KIRREL1: variants seen among roughly 807,000 people sequenced by gnomAD.
KIRREL1 encodes kin of IRRE-like protein 1.
Under a neutral mutation model 83.3 loss-of-function variants are expected in KIRREL1, and 25 were observed. That is an observed-to-expected ratio of 0.30 (90% CI 0.22 to 0.42). The LOEUF (loss-of-function observed/expected upper bound fraction) is 0.42. KIRREL1 is among the 10% of genes least tolerant of loss of function. The pLI is 1.00. For synonymous variants in KIRREL1, 388 were observed against 410.4 expected, an observed-to-expected ratio of 0.95 and a Z score of 0.66; for missense variants, 812 against 1,032.3, an observed-to-expected ratio of 0.79 and a Z score of 2.92.
At chr1:158,054,998 G>C (rs1661013455) in intron 1 of KIRREL1, among the ~76,000 whole-genome samples, 2 of 151,998 alleles carry the variant, frequency 1.3e-5, no homozygotes, top group Admixed American at 1.3e-4. Context: ...CATTTCTTTG[G>C]GCTTTCTTGC....
chr1:158,070,774 G>A (rs1450462910), intron 1 of KIRREL1, among the ~76,000 whole-genome samples: 2 of 152,038 alleles, frequency 1.3e-5, no homozygotes, highest in East Asian at 1.9e-4. Context: ...GCTGGTGGGC[G>A]ATTAGGGTTA....
intron 1 of KIRREL1, among the ~76,000 whole-genome samples, chr1:158,006,437 G>C (rs1659521568): frequency 6.6e-6 from 1 of 152,198 alleles, no homozygotes; most frequent in South Asian, 2.1e-4. Flanking sequence ...TTCCACAACA[G>C]GTTTATTTTC....
chr1:158,046,950 A>C (rs1162641713), intron 1 of KIRREL1, among the ~76,000 whole-genome samples: 2 of 152,046 alleles, frequency 1.3e-5, no homozygotes, highest in Non-Finnish European at 2.9e-5. Flanking sequence ...AAGAGAGGAG[A>C]GAATGCAGCC....
At chr1:158,004,840 A>C (rs1466180202) in intron 1 of KIRREL1, among the ~76,000 whole-genome samples, 1 of 152,202 alleles carries the variant, frequency 6.6e-6, no homozygotes, top group African/African-American at 2.4e-5. Context: ...GCTACTCTGG[A>C]GGCTGAGGTG....
In KIRREL1 at chr1:158,088,372, T is replaced by C. The variant is rs776787747; in HGVS notation, c.962T>C (p.Ile321Thr). ...VVDPKPTTTD[I>T]GSDVTLTCVW... is the part of the protein sequence containing the mutation. ...GACCCCAAACCCACAACCACAGACA[T>C]TGGCTCTGATGTGACCCTTACCTGT... The change falls in exon 8 of 15, where the codon ATT becomes ACT. Residue 321 changes from isoleucine (I) to threonine (T), a missense_variant. Transcript: ENST00000359209. The C allele has an allele frequency of 1.2e-6, 2 of 1,613,306 alleles. No individual in the cohort carries two copies. The highest frequency in any genetic ancestry group is 3.3e-5 in the Admixed American group (2 of 59,960).
intron 1 of KIRREL1, among the ~76,000 whole-genome samples, chr1:158,005,732 G>A (rs1033181553): frequency 6.6e-6 from 1 of 152,058 alleles, no homozygotes; most frequent in African/African-American, 2.4e-5. Context: ...TGCATGATTT[G>A]GGGGAGCAGT....
chr1:158,089,383 T>C, intron 8 of KIRREL1, 119 bp from the exon 9 acceptor site: 1 of 1,518,366 alleles, frequency 6.6e-7, no homozygotes, highest in Non-Finnish European at 8.9e-7. Flanking sequence ...CCATTTCCCT[T>C]CTGGGAATTC....
At position 158,094,693 on chromosome 1, in the gene KIRREL1, C is replaced by G. The variant is rs1213771432; in HGVS notation, c.1847C>G (p.Ser616Cys). 6.2e-7 allele frequency: 1 copy of G among 1,611,404 alleles called. No homozygotes were observed. Among genetic ancestry groups the G allele is most frequent in the Non-Finnish European group, 8.5e-7 (1 of 1,179,818 alleles). ...YNVRAHEDRP[S>C]SRAVLYADYR... Reference sequence around the variant, plus strand: ...GTGCGTGCCCATGAAGACCGCCCGTCTTCCAGGGCAGTGCTCTATGCTGAC... The same window carrying G: ...GTGCGTGCCCATGAAGACCGCCCGTGTTCCAGGGCAGTGCTCTATGCTGAC... Residue 616 changes from serine (S) to cysteine (C), a missense_variant, in exon 15 of 15, where the codon TCT (serine) becomes TGT (cysteine). Physicochemically the swap from Ser to Cys is moderately radical, Grantham distance 112 (BLOSUM62 -1). This residue lies in a region of KIRREL1 where 334 missense variants were observed against 383.7 expected (regional missense o/e 0.87). Transcript: ENST00000359209. The surrounding 1 kb of genome is among the most constrained non-coding windows in gnomAD (Gnocchi z 4.6).
rs1662417793 is a variant in KIRREL1 at position 158,098,747 on chromosome 1, T to G, written c.*3627T>G. 1 of 152,232 alleles carries G rather than the reference T, an allele frequency of 6.6e-6. No homozygotes were observed. Among genetic ancestry groups the G allele is most frequent in the Non-Finnish European group, 1.5e-5 (1 of 68,044 alleles). 9.4% of individuals were successfully genotyped at this position (152,232 alleles called of 1,614,324 possible). A position where few individuals can be genotyped will look rare whatever the true frequency, so the allele number is the denominator to read the frequency against. The stretch of plus-strand genomic sequence containing the variant: ...GGGAGCAGTGCTGTGCTGTTATCAC[T>G]GTCTTGCTTGGAATGAAAACATCTG... On this transcript the variant is annotated 3_prime_UTR_variant, in exon 15 of 15. Coordinates refer to ENST00000359209, the MANE Select transcript of KIRREL1 (RefSeq NM_018240.7).
rs563217069 is a variant in KIRREL1 at position 158,022,832 on chromosome 1, C to T, written c.52+29104C>T. Among the ~76,000 whole-genome samples, 7 of 152,314 alleles carry T rather than the reference C, an allele frequency of 4.6e-5. 1 individual carries two copies. The South Asian group carries it at 1.5e-3, about 32-fold the overall frequency. On this transcript the variant is annotated intron_variant, in intron 1 of 14. Transcript: ENST00000359209. ...TGGGCCTTCTGCTAAAGTGCCAGCG[C>T]CCTAGCCTGTTTCCAGCCTCTTCCT...
At chr1:158,028,325 C>A (rs1470380819) in intron 1 of KIRREL1, among the ~76,000 whole-genome samples, 3 of 152,240 alleles carry the variant, frequency 2.0e-5, no homozygotes, top group Non-Finnish European at 4.4e-5. Context: ...CTTGAATAAA[C>A]CCTCCCTAAT....
chr1:158,020,209 G>T (rs747389167), intron 1 of KIRREL1, among the ~76,000 whole-genome samples: 1 of 151,912 alleles, frequency 6.6e-6, no homozygotes, highest in Non-Finnish European at 1.5e-5. Flanking sequence ...CATCACCTCC[G>T]GGAAGATGAT....
At chr1:158,069,914 G>T (rs1661465231) in intron 1 of KIRREL1, among the ~76,000 whole-genome samples, 1 of 152,214 alleles carries the variant, frequency 6.6e-6, no homozygotes, top group Non-Finnish European at 1.5e-5. Context: ...ATAAGCAGGG[G>T]CTACTTCTGC....
chr1:158,023,747 C>T (rs559783349), intron 1 of KIRREL1, among the ~76,000 whole-genome samples: 1 of 152,310 alleles, frequency 6.6e-6, no homozygotes, highest in South Asian at 2.1e-4. Flanking sequence ...TTTCTTAGAT[C>T]TCTTCCAGCT....
At position 158,095,783 on chromosome 1, in the gene KIRREL1, T is replaced by C. The variant is rs1662340487; in HGVS notation, c.*663T>C. 1 of 152,338 alleles carries C rather than the reference T, an allele frequency of 6.6e-6. No homozygotes were observed. Among genetic ancestry groups the C allele is most frequent in the Admixed American group, 6.5e-5 (1 of 15,288 alleles). The allele number at this position is 152,338 out of a possible 1,614,324, so 9.4% of individuals were successfully genotyped here. ...AGCTGTCTGTCAGCATGCAGAGGGA[T>C]CCAGGAATCCCCCCGGCAGCACGGC... On this transcript the variant is annotated 3_prime_UTR_variant, in exon 15 of 15. Coordinates refer to ENST00000359209, the MANE Select transcript of KIRREL1 (RefSeq NM_018240.7).
At chr1:158,056,675 A>C (rs1661072184) in intron 1 of KIRREL1, among the ~76,000 whole-genome samples, 1 of 152,214 alleles carries the variant, frequency 6.6e-6, no homozygotes, top group South Asian at 2.1e-4. Flanking sequence ...CAGGAGGAAG[A>C]AATTCATTTT....
chr1:158,054,660 G>C (rs7530900), intron 1 of KIRREL1, among the ~76,000 whole-genome samples: 21,434 of 152,150 alleles, frequency 0.14, 2,118 homozygotes, highest in African/African-American at 0.28. Flanking sequence ...CTCCCTGGCA[G>C]TAAGTGGCAG....
At position 158,042,212 on chromosome 1, in the gene KIRREL1, GGTGTGTGT is replaced by G. The variant is rs10577493; in HGVS notation, c.53-33867_53-33860del. ...GCTGCGTCGTGTGGGTCTTCTCCAGGGTGTGTGTGTGTGTGTGTGTGTGTGTGTGTGTG... is the reference window on the plus strand; with the variant it reads ...GCTGCGTCGTGTGGGTCTTCTCCAGGGTGTGTGTGTGTGTGTGTGTGTGTG... On this transcript the variant is annotated intron_variant, in intron 1 of 14. Coordinates refer to ENST00000359209, the MANE Select transcript of KIRREL1 (RefSeq NM_018240.7). 1.9e-3 allele frequency among the ~76,000 whole-genome samples: 256 copies of G among 137,724 alleles called. 2 individuals carry two copies. Among genetic ancestry groups the G allele is most frequent in the African/African-American group, 6.2e-3 (225 of 36,512 alleles). The allele number at this position is 137,724 out of a possible 152,430, so 90.4% of individuals were successfully genotyped here. A position where few individuals can be genotyped will look rare whatever the true frequency, so the allele number is the denominator to read the frequency against.
At chr1:158,073,861 G>A (rs1477564478) in intron 1 of KIRREL1, among the ~76,000 whole-genome samples, 2 of 152,172 alleles carry the variant, frequency 1.3e-5, no homozygotes, top group East Asian at 3.9e-4. Context: ...CACTGTCCTT[G>A]AGAGACTTCA....
Sources: allele counts gnomAD v4.1 joint callset (sites outside exome capture counted in the v4.1 genomes callset), GRCh38; gene constraint gnomAD v4.1.1; regional missense constraint gnomAD v4.1.1; non-coding constraint Gnocchi (gnomAD v3.1); transcripts MANE v1.5; gene names NCBI Gene and HGNC (gene_info 2026-07-23, HGNC 2026-07-21).